The following CECR2 variants were observed in gnomAD, a reference collection of about 807,000 sequenced individuals.
The protein encoded by CECR2 is CECR2 histone acetyl-lysine reader.
A neutral mutation model predicts 154.5 loss-of-function variants in CECR2; 30 were observed. That is an observed-to-expected ratio of 0.19 (90% CI 0.15 to 0.26). CECR2 has a LOEUF of 0.26. Ranked by LOEUF, CECR2 falls within the 10% of genes least tolerant of loss-of-function variation. CECR2 has a pLI of 1.00. For missense variants in CECR2, 1,743 were observed against 1,829.3 expected (o/e 0.95, Z 0.86); for synonymous variants, 725 against 683.7 (o/e 1.06, Z -0.94).
chr22:17,418,119 A>G (rs2054182776), intron 1 of CECR2, among the ~76,000 whole-genome samples: 1 of 152,108 alleles, frequency 6.6e-6, no homozygotes, highest in South Asian at 2.1e-4. Flanking sequence ...AATATAAATC[A>G]TTTTCATTCC....
At chr22:17,496,359 GCAT>G in intron 2 of CECR2, among the ~76,000 whole-genome samples, 1 of 152,058 alleles carries the variant, frequency 6.6e-6, no homozygotes, top group South Asian at 2.1e-4. Context: ...AATTAGCCGG[GCAT>G]GGTGGTGGGC....
intron 1 of CECR2, among the ~76,000 whole-genome samples, chr22:17,436,221 G>T (rs1458448503): frequency 1.3e-5 from 2 of 152,158 alleles, no homozygotes; most frequent in Non-Finnish European, 2.9e-5. Context: ...GCTTCCCAAA[G>T]TGCTGGGATT....
chr22:17,523,755 CAAAAAAAAAAAA>C (rs66963477), intron 8 of CECR2, among the ~76,000 whole-genome samples: 1 of 101,164 alleles, frequency 9.9e-6, no homozygotes, highest in African/African-American at 3.7e-5. Context: ...GACTCTATCT[CAAAAAAAAAAAA>C]AAAAAAAAGA....
At chr22:17,477,715 G>C in intron 2 of CECR2, 33 bp downstream of exon 2, 1 of 1,497,506 alleles carries the variant, frequency 6.7e-7, no homozygotes, top group East Asian at 2.3e-5. Flanking sequence ...AGCATTTCTT[G>C]CGCCAAGAAC....
In CECR2 at chr22:17,537,841, A is replaced by T. The variant is rs568417251; in HGVS notation, c.1238+609A>T. 2.8e-3 allele frequency among the ~76,000 whole-genome samples: 428 copies of T among 152,028 alleles called. 2 individuals carry two copies. The highest frequency in any genetic ancestry group is 8.5e-3 in the African/African-American group (353 of 41,506). ...AACCCCCGTCTCTAATAAAAATTTT[A>T]AAAAAAATTAGGTGAGGTGGCACAT... On this transcript the variant is annotated intron_variant, in intron 10 of 18. Transcript: ENST00000262608.
At chr22:17,464,568 T>G (rs2054995449) in intron 1 of CECR2, among the ~76,000 whole-genome samples, 3 of 152,152 alleles carry the variant, frequency 2.0e-5, no homozygotes, top group Admixed American at 1.3e-4. Flanking sequence ...GGCATGCTCA[T>G]AGCTCACTGC....
At chr22:17,470,345 G>A (rs1222898347) in intron 1 of CECR2, among the ~76,000 whole-genome samples, 1 of 149,646 alleles carries the variant, frequency 6.7e-6, no homozygotes, top group Non-Finnish European at 1.5e-5. Flanking sequence ...GGCTGAAGCT[G>A]GAGAATTGCT....
At chr22:17,525,177 C>G (rs2056237530) in intron 9 of CECR2, among the ~76,000 whole-genome samples, 1 of 148,190 alleles carries the variant, frequency 6.7e-6, no homozygotes, top group Non-Finnish European at 1.5e-5. Context: ...GCCAGCTACT[C>G]AGGAGGCTGA....
chr22:17,461,183 T>C (rs956488718), intron 1 of CECR2, among the ~76,000 whole-genome samples: 2 of 152,236 alleles, frequency 1.3e-5, no homozygotes, highest in South Asian at 2.1e-4. Flanking sequence ...CAATCTGATA[T>C]GAGGAAAGCT....
At chr22:17,475,086 G>A (rs1446878520) in intron 1 of CECR2, among the ~76,000 whole-genome samples, 1 of 152,200 alleles carries the variant, frequency 6.6e-6, no homozygotes, top group Admixed American at 6.5e-5. Context: ...ACCTGGGGAT[G>A]CATGGACGCC....
intron 9 of CECR2, among the ~76,000 whole-genome samples, chr22:17,525,065 C>T (rs912861214): frequency 6.7e-6 from 1 of 149,352 alleles, no homozygotes; most frequent in African/African-American, 2.4e-5. Flanking sequence ...GGGCGGATCA[C>T]ATGAGGTTGG....
chr22:17,370,323 G>A (rs1205405493), intron 1 of CECR2, among the ~76,000 whole-genome samples: 1 of 150,082 alleles, frequency 6.7e-6, no homozygotes, highest in South Asian at 2.1e-4. Context: ...CGGGCGCGGG[G>A]GGGGGGCCCG....
At chr22:17,501,973 C>T (rs747500618) in intron 5 of CECR2, among the ~76,000 whole-genome samples, 20 of 152,136 alleles carry the variant, frequency 1.3e-4, no homozygotes, top group Non-Finnish European at 2.1e-4. Flanking sequence ...ACGCTGGCCA[C>T]GTTTCAGATG....
intron 4 of CECR2, 119 bp downstream of exon 4, chr22:17,499,668 C>T (rs2055699966): frequency 3.0e-6 from 3 of 1,007,098 alleles, no homozygotes; most frequent in Non-Finnish European, 4.2e-6. Context: ...CTAAGCATGC[C>T]TGCAAAGAGA....
chr22:17,543,029 C>T (rs1247391162), intron 16 of CECR2, 26 bp downstream of exon 16: 2 of 1,562,638 alleles, frequency 1.3e-6, no homozygotes, highest in Admixed American at 3.8e-5. Context: ...ACTTTGGGCT[C>T]TTTAAGCTCT....
At chr22:17,456,551 CTG>C (rs1040178408) in intron 1 of CECR2, among the ~76,000 whole-genome samples, 8 of 152,128 alleles carry the variant, frequency 5.3e-5, no homozygotes, top group Non-Finnish European at 8.8e-5. Context: ...ACAATTAAAA[CTG>C]TAATTTTTTT....
intron 9 of CECR2, among the ~76,000 whole-genome samples, chr22:17,526,808 CAAA>C (rs34800488): frequency 7.4e-3 from 529 of 71,664 alleles, no homozygotes; most frequent in African/African-American, 0.03. Flanking sequence ...GACTCCATCT[CAAA>C]AAAAAAAAAA....
intron 5 of CECR2, among the ~76,000 whole-genome samples, chr22:17,502,110 T>C (rs1037257941): frequency 6.6e-6 from 1 of 152,172 alleles, no homozygotes; most frequent in Non-Finnish European, 1.5e-5. Flanking sequence ...CAAGTGAAAA[T>C]GATACTTCAT....
chr22:17,544,497 CAAAAAAAAAA>C (rs34885224), intron 16 of CECR2, among the ~76,000 whole-genome samples: 3 of 57,392 alleles, frequency 5.2e-5, no homozygotes, highest in African/African-American at 1.3e-4. Context: ...GACTCCATCT[CAAAAAAAAAA>C]AAAAAAAAAA....
Sources: gnomAD v4.1 joint callset for allele counts (sites outside exome capture counted in the v4.1 genomes callset) on GRCh38, gnomAD v4.1.1 for gene constraint, MANE v1.5 for transcripts, NCBI Gene and HGNC (gene_info 2026-07-23, HGNC 2026-07-21) for gene names.